The following KCNN2 variants were observed in gnomAD, a reference collection of about 807,000 sequenced individuals.
The protein encoded by KCNN2 is potassium calcium-activated channel subfamily N member 2, also known as small conductance calcium-activated potassium channel protein 2.
In KCNN2, 24 loss-of-function variants were observed where a neutral mutation model predicts 55.5. That is an observed-to-expected ratio of 0.43 (90% CI 0.31 to 0.61). The LOEUF (loss-of-function observed/expected upper bound fraction) is 0.61, where lower values mean the gene tolerates loss of function less well. KCNN2 is among the 20% of genes least tolerant of loss of function. The probability of loss-of-function intolerance (pLI) is 0.08; values close to 1 mark genes in which losing one functional copy is unlikely to be tolerated. For synonymous variants in KCNN2, 431 were observed against 336.1 expected (o/e 1.28, Z -3.09); for missense variants, 754 against 853.6 (o/e 0.88, Z 1.45).
intron 1 of KCNN2, among the ~76,000 whole-genome samples, chr5:114,170,177 A>T (rs548392769): frequency 6.6e-6 from 1 of 152,254 alleles, no homozygotes; most frequent in East Asian, 1.9e-4. Flanking sequence ...GCTTGAGCTC[A>T]ACTGTCCTAC....
rs79112210 is a variant in KCNN2, at chr5:114,209,869, A to T, written c.-270-11611A>T. ...TCTAACTTAAATACATTCATTCCTC[A>T]TTATTCACAGATTCCTTATTTGTGA... On this transcript the variant is annotated intron_variant, in intron 1 of 10. Coordinates refer to the KCNN2 transcript ENST00000512097. Among the ~76,000 whole-genome samples, 246 of 152,292 alleles carry T rather than the reference A, an allele frequency of 1.6e-3. 1 individual carries two copies. Among genetic ancestry groups the T allele is most frequent in the African/African-American group, 5.8e-3 (242 of 41,558 alleles).
intron 2 of KCNN2, among the ~76,000 whole-genome samples, chr5:114,367,226 C>A (rs1407278701): frequency 6.6e-6 from 1 of 152,154 alleles, no homozygotes; most frequent in Non-Finnish European, 1.5e-5. Context: ...TTGTAAGATA[C>A]CAGCTCAGTA....
chr5:114,323,528 G>T (rs1756653024), intron 2 of KCNN2, among the ~76,000 whole-genome samples: 1 of 151,296 alleles, frequency 6.6e-6, no homozygotes, highest in South Asian at 2.1e-4. Flanking sequence ...AGTATAAATT[G>T]CATTAATTTA....
intron 2 of KCNN2, among the ~76,000 whole-genome samples, chr5:114,284,197 A>G (rs1378186966): frequency 1.3e-5 from 2 of 152,142 alleles, no homozygotes; most frequent in Admixed American, 6.5e-5. Context: ...ATTCCCTAAT[A>G]TCTTAGGTCT....
At chr5:114,194,038 A>G (rs941559719) in intron 1 of KCNN2, among the ~76,000 whole-genome samples, 2 of 151,960 alleles carry the variant, frequency 1.3e-5, no homozygotes, top group Non-Finnish European at 2.9e-5. Context: ...CACTCCTCAT[A>G]TCTCCCCTTC....
chr5:114,125,145 G>T (rs1751904793), intron 1 of KCNN2, among the ~76,000 whole-genome samples: 1 of 151,984 alleles, frequency 6.6e-6, no homozygotes, highest in Non-Finnish European at 1.5e-5. Flanking sequence ...TGTTATAATA[G>T]AATATGTTAA....
Position 114,379,683 on chromosome 5 carries a change from A to T in KCNN2, c.1218+15682A>T, listed in dbSNP as rs1345942387. On this transcript the variant is annotated intron_variant, in intron 2 of 7. Coordinates refer to ENST00000673685, the MANE Select transcript of KCNN2 (RefSeq NM_021614.4). ...ATATATTTATAGAATATATTATATA[A>T]CATATTATATATTTATAGAATATAT... 2.8e-5 allele frequency among the ~76,000 whole-genome samples: 3 copies of T among 106,368 alleles called. 1 individual carries two copies. Among genetic ancestry groups the T allele is most frequent in the Non-Finnish European group, 5.1e-5 (3 of 58,488 alleles). 69.8% of individuals were successfully genotyped at this position (106,368 alleles called of 152,430 possible).
At chr5:114,409,022 G>A (rs978335707) in intron 3 of KCNN2, among the ~76,000 whole-genome samples, 2 of 152,182 alleles carry the variant, frequency 1.3e-5, no homozygotes, top group Non-Finnish European at 2.9e-5. Flanking sequence ...TGACAGTGTG[G>A]TGGGGAAGGG....
At chr5:114,449,849 T>A (rs1474231174) in intron 3 of KCNN2, among the ~76,000 whole-genome samples, 2 of 150,620 alleles carry the variant, frequency 1.3e-5, no homozygotes, top group African/African-American at 4.9e-5. Flanking sequence ...TACCTTAGAT[T>A]GGATTTAGAA....
chr5:114,257,864 A>T (rs951921213), intron 2 of KCNN2, among the ~76,000 whole-genome samples: 4 of 152,266 alleles, frequency 2.6e-5, no homozygotes, highest in African/African-American at 9.6e-5. Context: ...CTCTGGCTAG[A>T]ACTTCTAGTA....
At chr5:114,465,942 C>G (rs923085045) in intron 4 of KCNN2, among the ~76,000 whole-genome samples, 2 of 152,140 alleles carry the variant, frequency 1.3e-5, no homozygotes, top group East Asian at 3.9e-4. Context: ...ACGGGGCAGT[C>G]TTCCTGGGAT....
chr5:114,364,037 G>C, intron 2 of KCNN2, 36 bp downstream of exon 2: 1 of 1,489,684 alleles, frequency 6.7e-7, no homozygotes, highest in South Asian at 1.1e-5. Context: ...ATGACCCAAA[G>C]CCCTACAGTC....
chr5:114,382,683 T>C (rs1029935143), intron 2 of KCNN2, among the ~76,000 whole-genome samples: 1 of 152,198 alleles, frequency 6.6e-6, no homozygotes, highest in Non-Finnish European at 1.5e-5. Flanking sequence ...CCTCTTGTCT[T>C]AGGAGAGACT....
chr5:114,174,951 C>A (rs4076659), intron 1 of KCNN2, among the ~76,000 whole-genome samples: 111,415 of 152,006 alleles, frequency 0.73, 41,086 homozygotes, highest in East Asian at 0.86. Flanking sequence ...CTGTGTCCTC[C>A]CTTCAGGAAA....
upstream of KCNN2, among the ~76,000 whole-genome samples, chr5:114,359,290 C>G (rs1465440509): frequency 1.3e-5 from 2 of 152,148 alleles, no homozygotes; most frequent in African/African-American, 2.4e-5. Context: ...GAATTTTGTG[C>G]ATTCTATCCT....
chr5:114,207,710 A>C (rs140265707), intron 1 of KCNN2, among the ~76,000 whole-genome samples: 44 of 152,312 alleles, frequency 2.9e-4, no homozygotes, highest in African/African-American at 1.1e-3. Flanking sequence ...GCATTAAGTT[A>C]ACTTACTTGC....
intron 2 of KCNN2, among the ~76,000 whole-genome samples, chr5:114,226,465 C>G (rs1242058510): frequency 6.6e-6 from 1 of 152,142 alleles, no homozygotes; most frequent in East Asian, 1.9e-4. Flanking sequence ...TCATAACCAT[C>G]ACTTGAGGTC....
intron 1 of KCNN2, among the ~76,000 whole-genome samples, chr5:114,079,110 C>A (rs372126171): frequency 1.3e-5 from 2 of 152,008 alleles, no homozygotes; most frequent in Non-Finnish European, 1.5e-5. Context: ...TTGTAAAAAC[C>A]TATACAGAGG....
chr5:114,102,659 A>T (rs1187003339), intron 1 of KCNN2, among the ~76,000 whole-genome samples: 1 of 152,206 alleles, frequency 6.6e-6, no homozygotes, highest in Non-Finnish European at 1.5e-5. Context: ...GCATATGGCC[A>T]TCCAGTTTTC....
Sources: gnomAD v4.1 joint callset for allele counts (sites outside exome capture counted in the v4.1 genomes callset) on GRCh38, gnomAD v4.1.1 for gene constraint, MANE v1.5 for transcripts, NCBI Gene and HGNC (gene_info 2026-07-23, HGNC 2026-07-21) for gene names.